The following CNOT4 variants were observed in gnomAD, a reference collection of about 807,000 sequenced individuals.
CNOT4 encodes the protein CCR4-NOT transcription complex subunit 4.
In CNOT4, 8 loss-of-function variants were observed where a neutral mutation model predicts 73.8. The ratio of observed to expected loss-of-function variants is 0.11; its 90% CI spans 0.06 to 0.20. CNOT4 has a LOEUF of 0.20. Among genes scored for constraint, CNOT4 ranks in the 10% least tolerant of loss-of-function variants. The pLI is 1.00. For synonymous variants in CNOT4, 293 were observed against 321.1 expected (o/e 0.91, Z 0.94); for missense variants, 564 against 883.4 (o/e 0.64, Z 4.58).
intron 1 of CNOT4, among the ~76,000 whole-genome samples, chr7:135,479,929 G>A (rs1376865397): frequency 1.3e-5 from 2 of 152,046 alleles, no homozygotes; most frequent in African/African-American, 2.4e-5. Flanking sequence ...GAGAGTTTAT[G>A]TATTTTATAA....
chr7:135,436,654 TTATA>T (rs1441028430), intron 2 of CNOT4, among the ~76,000 whole-genome samples: 10 of 150,794 alleles, frequency 6.6e-5, no homozygotes, highest in Non-Finnish European at 1.2e-4. Context: ...TATATACACA[TTATA>T]TATGTTACAT....
intron 10 of CNOT4, among the ~76,000 whole-genome samples, chr7:135,379,355 T>C (rs1419102653): frequency 6.6e-6 from 1 of 152,212 alleles, no homozygotes; most frequent in Admixed American, 6.5e-5. Flanking sequence ...CTTAGGAGTT[T>C]ACATCTATCA....
chr7:135,455,993 C>T (rs968192952), intron 1 of CNOT4, among the ~76,000 whole-genome samples: 1 of 152,158 alleles, frequency 6.6e-6, no homozygotes, highest in African/African-American at 2.4e-5. Context: ...AAGTAAAACC[C>T]CCATTTAAAA....
intron 8 of CNOT4, among the ~76,000 whole-genome samples, chr7:135,396,210 G>A (rs1198284507): frequency 1.4e-5 from 2 of 141,736 alleles, no homozygotes; most frequent in Non-Finnish European, 3.0e-5. Context: ...CTCGGCCTCC[G>A]GGGTTCAAGC....
intron 1 of CNOT4, among the ~76,000 whole-genome samples, chr7:135,493,100 G>A (rs570930216): frequency 1.3e-5 from 2 of 152,276 alleles, no homozygotes; most frequent in South Asian, 4.1e-4. Flanking sequence ...CCATCTCCAG[G>A]CTCTTGGTTC....
Position 135,434,920 on chromosome 7 carries a change from T to C in CNOT4, c.174+3238A>G, listed in dbSNP as rs185435437. On this transcript the variant is annotated intron_variant, in intron 2 of 11. Coordinates refer to ENST00000541284, the MANE Select transcript of CNOT4 (RefSeq NM_001190850.2). ...CCTCAACTCTCTGTTTGTATGGTGG[T>C]TCATGAATAATAAAGTTCATGAATC... Among the ~76,000 whole-genome samples the C allele has an allele frequency of 1.2e-4, 18 of 152,316 alleles. No individual in the cohort carries two copies. The East Asian group carries it at 3.3e-3, about 28-fold the overall frequency.
chr7:135,436,208 T>A (rs1223586949), intron 2 of CNOT4, among the ~76,000 whole-genome samples: 3 of 152,098 alleles, frequency 2.0e-5, no homozygotes, highest in African/African-American at 7.2e-5. Context: ...TTTTTCTTTT[T>A]TTACTTTCTA....
chr7:135,472,156 G>A (rs1260580679), intron 1 of CNOT4, among the ~76,000 whole-genome samples: 3 of 151,268 alleles, frequency 2.0e-5, no homozygotes, highest in Non-Finnish European at 4.4e-5. Context: ...GTGGGCCACA[G>A]AGTAAGACCC....
rs1384309058 is a variant in CNOT4, at chr7:135,362,874, C to T, written c.*11G>A. 6.2e-6 allele frequency: 10 copies of T among 1,611,470 alleles called. No individual in the cohort carries two copies. Among genetic ancestry groups the T allele is most frequent in the Admixed American group, 1.7e-5 (1 of 59,940 alleles). On this transcript the variant is annotated 3_prime_UTR_variant, in exon 12 of 12. Coordinates refer to ENST00000541284, the MANE Select transcript of CNOT4 (RefSeq NM_001190850.2). ...CAAATCCTGCATTTTCTAATGGTTG[C>T]TCCTCTTTGCCTAATGGCGGTCCAG...
intron 7 of CNOT4, among the ~76,000 whole-genome samples, chr7:135,406,496 CA>C (rs975578904): frequency 2.0e-5 from 3 of 149,610 alleles, no homozygotes; most frequent in African/African-American, 7.4e-5. Context: ...GCCATCTCTA[CA>C]AAAAAAAAGA....
At chr7:135,408,936 T>C (rs1249857158) in intron 7 of CNOT4, among the ~76,000 whole-genome samples, 1 of 152,226 alleles carries the variant, frequency 6.6e-6, no homozygotes, top group Admixed American at 6.5e-5. Context: ...TATTTTATTC[T>C]GTATGCTTTC....
chr7:135,388,010 T>C lies in CNOT4; in HGVS notation c.1627+5908A>G, dbSNP rs75012056. On this transcript the variant is annotated intron_variant, in intron 10 of 11. Transcript: ENST00000541284. ...CAGTAACAATGTTACACTACTATGG[T>C]TGCTTTTCACATACAATGTTTACTC... 766 of 985,058 alleles carry C rather than the reference T, an allele frequency of 7.8e-4. 18 individuals carry two copies. In the East Asian group the frequency reaches 0.054, roughly 69 times the overall value. The allele number at this position is 985,058 out of a possible 1,614,324, so 61.0% of individuals were successfully genotyped here.
At chr7:135,397,633 A>G (rs1313050952) in intron 8 of CNOT4, among the ~76,000 whole-genome samples, 2 of 151,452 alleles carry the variant, frequency 1.3e-5, no homozygotes, top group Non-Finnish European at 2.9e-5. Flanking sequence ...TTCCCTGAGC[A>G]ATAAGACAAG....
At chr7:135,423,461 A>G (rs116501458) in intron 2 of CNOT4, among the ~76,000 whole-genome samples, 2,215 of 151,062 alleles carry the variant, frequency 0.015, 57 homozygotes, top group African/African-American at 0.051. Flanking sequence ...ATCTCTTCAT[A>G]TATAAGCGTT....
At chr7:135,473,517 C>G (rs1314850932) in intron 1 of CNOT4, among the ~76,000 whole-genome samples, 1 of 152,140 alleles carries the variant, frequency 6.6e-6, no homozygotes, top group Non-Finnish European at 1.5e-5. Context: ...GAAGGCGAGG[C>G]AGGTGGATCC....
intron 1 of CNOT4, among the ~76,000 whole-genome samples, chr7:135,478,379 G>A (rs1353448430): frequency 6.6e-6 from 1 of 152,076 alleles, no homozygotes; most frequent in East Asian, 1.9e-4. Context: ...TCTGGATATT[G>A]AATATATTCA....
chr7:135,405,156 T>G (rs1797210119), intron 7 of CNOT4, among the ~76,000 whole-genome samples: 1 of 152,252 alleles, frequency 6.6e-6, no homozygotes, highest in Non-Finnish European at 1.5e-5. Context: ...CTGTTTAAAC[T>G]CTCTGAGACT....
chr7:135,499,484 TA>T (rs201387690), intron 1 of CNOT4, among the ~76,000 whole-genome samples: 7 of 148,432 alleles, frequency 4.7e-5, no homozygotes, highest in South Asian at 2.1e-4. Flanking sequence ...CTGTATGAAT[TA>T]AAAAAAAAAC....
chr7:135,367,992 T>C (rs1217087716), intron 10 of CNOT4, among the ~76,000 whole-genome samples: 2 of 152,164 alleles, frequency 1.3e-5, no homozygotes. Context: ...TTATGGAATA[T>C]AAATATGTAC....
Sources: gnomAD v4.1 joint callset for allele counts (sites outside exome capture counted in the v4.1 genomes callset) on GRCh38, gnomAD v4.1.1 for gene constraint, MANE v1.5 for transcripts, NCBI Gene and HGNC (gene_info 2026-07-23, HGNC 2026-07-21) for gene names.